Variants in DNAI7 observed in about 807,000 individuals in gnomAD.
DNAI7 encodes the protein cancer susceptibility 1.
DNAI7 carries 78 observed loss-of-function variants against 86.6 expected under a neutral mutation model. That is an observed-to-expected ratio of 0.90 (90% CI 0.75 to 1.09). DNAI7 has a LOEUF of 1.09. Among genes scored for constraint, DNAI7 ranks in the 50% least tolerant of loss-of-function variants. DNAI7 has a pLI of 0.00. For missense variants in DNAI7, 753 were observed against 810.2 expected (o/e 0.93, Z 0.86); for synonymous variants, 274 against 273.0 (o/e 1.00, Z -0.04).
intron 9 of DNAI7, 142 bp downstream of exon 9, chr12:25,144,223 A>G (rs1944543130): frequency 4.5e-6 from 3 of 664,318 alleles, no homozygotes; most frequent in Non-Finnish European, 7.9e-6. Flanking sequence ...AAAAAGATAC[A>G]TATTAAAAAT....
intron 6 of DNAI7, among the ~76,000 whole-genome samples, chr12:25,153,466 A>G (rs1355447324): frequency 3.9e-5 from 6 of 152,100 alleles, no homozygotes; most frequent in Non-Finnish European, 8.8e-5. Context: ...CTTAGTGGAG[A>G]CATTTTTGTT....
intron 12 of DNAI7, among the ~76,000 whole-genome samples, chr12:25,116,057 A>G (rs1468846347): frequency 2.0e-5 from 3 of 147,938 alleles, no homozygotes; most frequent in African/African-American, 5.0e-5. Context: ...GGAAGAAACT[A>G]TGCCTCATTT....
At position 25,149,737 on chromosome 12, in the gene DNAI7, G is replaced by A; in HGVS notation, c.476C>T (p.Pro159Leu). Residue 159 changes from proline to leucine, a missense_variant, in exon 7 of 16, where the codon CCA becomes CTA. Transcript: ENST00000395987. ...ATTTTTATCTTGCAAATCACATGGT[G>A]GAGTTTCCAGTAAAATAAATTTCAA... is the stretch of plus-strand genomic sequence containing the variant. ...EKLKFILLET[P>L]PCDLQDKNII... 6.5e-7 allele frequency: 1 copy of A among 1,539,460 alleles called. No homozygotes were observed.
At chr12:25,169,645 C>G (rs934660633) in intron 2 of DNAI7, among the ~76,000 whole-genome samples, 3 of 152,042 alleles carry the variant, frequency 2.0e-5, no homozygotes, top group African/African-American at 7.2e-5. Context: ...GTCAGGAGTT[C>G]AAGACCAGCC....
intron 13 of DNAI7, among the ~76,000 whole-genome samples, chr12:25,113,255 A>G (rs1414368771): frequency 6.6e-6 from 1 of 150,558 alleles, no homozygotes; most frequent in East Asian, 1.9e-4. Context: ...TCCATCTCCC[A>G]TCTCACCTAG....
At chr12:25,157,323 A>G (rs1409588519) in intron 4 of DNAI7, among the ~76,000 whole-genome samples, 1 of 151,538 alleles carries the variant, frequency 6.6e-6, no homozygotes, top group African/African-American at 2.4e-5. Context: ...TCAAAGAAGA[A>G]TATCCACAAT....
At chr12:25,123,394 G>C (rs1047756584) in intron 9 of DNAI7, 108 bp from the exon 10 acceptor site, 29 of 592,076 alleles carry the variant, frequency 4.9e-5, no homozygotes, top group Middle Eastern at 5.2e-4. Context: ...TTAATTCTAG[G>C]CTGAAAACCC....
intron 6 of DNAI7, among the ~76,000 whole-genome samples, chr12:25,153,209 G>A (rs1318269641): frequency 6.6e-6 from 1 of 152,086 alleles, no homozygotes; most frequent in Non-Finnish European, 1.5e-5. Flanking sequence ...ATCATTTGAG[G>A]TCAGCAGTTT....
At chr12:25,130,306 G>A (rs1942732323) in intron 9 of DNAI7, among the ~76,000 whole-genome samples, 1 of 152,038 alleles carries the variant, frequency 6.6e-6, no homozygotes, top group African/African-American at 2.4e-5. Flanking sequence ...GGGAGGCCAA[G>A]GCAGGCAGAG....
intron 9 of DNAI7, among the ~76,000 whole-genome samples, chr12:25,135,002 C>G (rs545109260): frequency 6.6e-6 from 1 of 152,154 alleles, no homozygotes; most frequent in Non-Finnish European, 1.5e-5. Flanking sequence ...CTTGGACAGA[C>G]AGAACAGTGA....
chr12:25,192,974 C>G (rs1950668508), intron 1 of DNAI7: 1 of 151,504 alleles, frequency 6.6e-6, no homozygotes, highest in African/African-American at 2.4e-5. Flanking sequence ...AAAGCAAGAC[C>G]CTGTCTAAAA....
intron 3 of DNAI7, chr12:25,158,857 T>A (rs926092882): frequency 6.3e-5 from 22 of 350,040 alleles, no homozygotes; most frequent in African/African-American, 4.3e-4. Flanking sequence ...TCACCACTGG[T>A]CATCAGAGAA....
chr12:25,169,991 A>T (rs1157901167), intron 2 of DNAI7, among the ~76,000 whole-genome samples: 1 of 152,214 alleles, frequency 6.6e-6, no homozygotes, highest in African/African-American at 2.4e-5. Context: ...TTTCATGCAA[A>T]TGGATACCAA....
chr12:25,153,790 A>C (rs1351732170), intron 6 of DNAI7, among the ~76,000 whole-genome samples: 1 of 152,152 alleles, frequency 6.6e-6, no homozygotes, highest in Non-Finnish European at 1.5e-5. Flanking sequence ...AATGAATTTA[A>C]ATTTTTTTTA....
intron 12 of DNAI7, among the ~76,000 whole-genome samples, chr12:25,117,589 A>G (rs2140412594): frequency 6.6e-6 from 1 of 152,284 alleles, no homozygotes; most frequent in Non-Finnish European, 1.5e-5. Context: ...GATTTTTCAA[A>G]ATTCAGCAAG....
At chr12:25,167,948 T>C (rs962058080) in intron 2 of DNAI7, among the ~76,000 whole-genome samples, 1 of 152,168 alleles carries the variant, frequency 6.6e-6, no homozygotes, top group Non-Finnish European at 1.5e-5. Flanking sequence ...GATGTTCCTT[T>C]ACTCTTCATC....
downstream of DNAI7, chr12:25,108,181 A>AGAT (rs1356648136): frequency 8.5e-5 from 96 of 1,123,864 alleles, no homozygotes; most frequent in Non-Finnish European, 1.2e-4. Context: ...AATGACTGTA[A>AGAT]GATAGCTTAC....
intron 2 of DNAI7, among the ~76,000 whole-genome samples, chr12:25,165,159 C>T (rs918552185): frequency 3.9e-5 from 6 of 152,148 alleles, no homozygotes; most frequent in Non-Finnish European, 5.9e-5. Context: ...CATTTTATTA[C>T]CCAATCCGCT....
rs1941358197 is a variant in DNAI7 at position 25,121,900 on chromosome 12, C to T, written c.1092G>A (p.Leu364=). ...CTGGCTTTTCAGAAGAATTCTCTACCAGCAACAACTGTGCTAAAATTAATC... is the reference window on the plus strand; with the variant it reads ...CTGGCTTTTCAGAAGAATTCTCTACTAGCAACAACTGTGCTAAAATTAATC... ...SETVSAAQLL[L]VENSSEKPDF... is the part of the protein sequence containing the mutation. The change falls in exon 11 of 16, where the codon CTG becomes CTA. Residue 364 remains leucine, a synonymous_variant. Transcript: ENST00000395987. 2 of 1,583,372 alleles carry T rather than the reference C, an allele frequency of 1.3e-6. No homozygotes were observed. The highest frequency in any genetic ancestry group is 1.7e-6 in the Non-Finnish European group (2 of 1,171,088).
Sources: gnomAD v4.1 joint callset for allele counts (sites outside exome capture counted in the v4.1 genomes callset) on GRCh38, gnomAD v4.1.1 for gene constraint, MANE v1.5 for transcripts, NCBI Gene and HGNC (gene_info 2026-07-23, HGNC 2026-07-21) for gene names.